The following PCDH15 variants were observed in gnomAD, a reference collection of about 807,000 sequenced individuals.
PCDH15 encodes the protein protocadherin related 15, also known as protocadherin-15.
Under a neutral mutation model 178.5 loss-of-function variants are expected in PCDH15, and 129 were observed. That is an observed-to-expected ratio of 0.72 (90% CI 0.63 to 0.84). The LOEUF is 0.84. Among genes scored for constraint, PCDH15 ranks in the 40% least tolerant of loss-of-function variants. PCDH15 has a pLI of 0.00. For synonymous variants in PCDH15, 800 were observed against 732.0 expected, an observed-to-expected ratio of 1.09 and a Z score of -1.50; for missense variants, 2,230 against 2,099.9, an observed-to-expected ratio of 1.06 and a Z score of -1.21.
chr10:54,818,270 T>G (rs1952979255), intron 3 of PCDH15, among the ~76,000 whole-genome samples: 3 of 152,066 alleles, frequency 2.0e-5, no homozygotes, highest in Non-Finnish European at 1.5e-5. Context: ...ATAAAATGAT[T>G]GAGTAATTAT....
chr10:55,330,838 A>G (rs61851098), intron 2 of PCDH15, among the ~76,000 whole-genome samples: 21 of 144,718 alleles, frequency 1.5e-4, no homozygotes, highest in African/African-American at 3.0e-4. Context: ...AGATTTATTT[A>G]TGTGTGTGTG....
At chr10:53,809,140 C>T in intron 37 of PCDH15, 1 of 1,613,900 alleles carries the variant, frequency 6.2e-7, no homozygotes, top group African/African-American at 1.3e-5. Context: ...AGGGGTGGAA[C>T]TCTCCTCCTC....
intron 2 of PCDH15, among the ~76,000 whole-genome samples, chr10:54,612,458 A>G (rs1233058197): frequency 6.6e-6 from 1 of 151,782 alleles, no homozygotes; most frequent in Non-Finnish European, 1.5e-5. Flanking sequence ...CTCTAAATAA[A>G]ATGATTAATT....
At chr10:54,512,684 C>A (rs1418409989) in intron 3 of PCDH15, among the ~76,000 whole-genome samples, 1 of 151,968 alleles carries the variant, frequency 6.6e-6, no homozygotes, top group Non-Finnish European at 1.5e-5. Flanking sequence ...AAAATATTTA[C>A]TCATGCAGAA....
chr10:54,472,549 T>A (rs904299362), intron 3 of PCDH15, among the ~76,000 whole-genome samples: 1 of 152,132 alleles, frequency 6.6e-6, no homozygotes, highest in African/African-American at 2.4e-5. Flanking sequence ...AAATAATGAT[T>A]GTTATCTACT....
chr10:54,237,126 G>A (rs2054713681), intron 8 of PCDH15, among the ~76,000 whole-genome samples, 195 bp from the exon 9 acceptor site: 1 of 152,010 alleles, frequency 6.6e-6, no homozygotes, highest in Admixed American at 6.6e-5. Context: ...AAGTCAAAAT[G>A]GTAAGACATA....
chr10:54,504,144 A>G (rs1254904961), intron 3 of PCDH15, among the ~76,000 whole-genome samples: 1 of 152,122 alleles, frequency 6.6e-6, no homozygotes, highest in African/African-American at 2.4e-5. Flanking sequence ...TTGGACCTCA[A>G]ATTCAAAGAT....
chr10:54,531,088 G>A (rs1396917849), intron 2 of PCDH15, among the ~76,000 whole-genome samples: 1 of 152,144 alleles, frequency 6.6e-6, no homozygotes, highest in Non-Finnish European at 1.5e-5. Context: ...GGGATGGGGA[G>A]ATTGTACCCT....
At chr10:54,577,980 C>A (rs551589083) in intron 2 of PCDH15, among the ~76,000 whole-genome samples, 51 of 152,068 alleles carry the variant, frequency 3.4e-4, no homozygotes, top group African/African-American at 1.2e-3. Context: ...TTAAATGAAT[C>A]GAAAGTAAAT....
At chr10:54,416,874 C>T (rs915351384) in intron 3 of PCDH15, among the ~76,000 whole-genome samples, 6 of 152,016 alleles carry the variant, frequency 3.9e-5, no homozygotes, top group African/African-American at 1.4e-4. Context: ...TCTAATGATC[C>T]CTGATGTTGA....
intron 3 of PCDH15, among the ~76,000 whole-genome samples, chr10:54,458,938 C>T (rs1274845694): frequency 6.6e-6 from 1 of 152,092 alleles, no homozygotes; most frequent in African/African-American, 2.4e-5. Context: ...CAACATCCTT[C>T]CATTGTAACA....
intron 1 of PCDH15, chr10:55,166,762 T>C (rs1289982281): frequency 6.6e-6 from 1 of 152,178 alleles, no homozygotes; most frequent in African/African-American, 2.4e-5. Flanking sequence ...TTAAGATTTC[T>C]TGTGCTTAAA....
At chr10:53,820,031 G>A in intron 33 of PCDH15, 134 bp downstream of exon 33, 1 of 390,498 alleles carries the variant, frequency 2.6e-6, no homozygotes, top group Non-Finnish European at 4.5e-6. Context: ...ATGTTTTTTG[G>A]ACTTCTCTTA....
rs1164351570 is a variant in PCDH15 at position 53,805,621 on chromosome 10, A to G, written c.*958T>C. ...TTCATAGCCTTTATAAGCTTTATAT[A>G]TTATATACATTTCAACCCTGCCAAA... On this transcript the variant is annotated 3_prime_UTR_variant, in exon 38 of 38. Transcript: ENST00000644397. 1 of 152,104 alleles carries G rather than the reference A, an allele frequency of 6.6e-6. No individual in the cohort carries two copies. The highest frequency in any genetic ancestry group is 1.5e-5 in the Non-Finnish European group (1 of 68,010). The allele number at this position is 152,104 out of a possible 1,614,324, so 9.4% of individuals were successfully genotyped here. A position where few individuals can be genotyped will look rare whatever the true frequency, so the allele number is the denominator to read the frequency against.
intron 2 of PCDH15, among the ~76,000 whole-genome samples, chr10:55,147,624 C>A (rs374649595): frequency 3.4e-5 from 5 of 145,180 alleles, no homozygotes; most frequent in African/African-American, 1.3e-4. Flanking sequence ...TTGTCTAAGT[C>A]TCCTTTTCTC....
intron 2 of PCDH15, among the ~76,000 whole-genome samples, chr10:55,584,738 T>TAGACAC (rs1217223725): frequency 1.3e-5 from 2 of 151,156 alleles, no homozygotes; most frequent in African/African-American, 4.9e-5. Flanking sequence ...TACAAGTATG[T>TAGACAC]AGACACACAT....
At chr10:55,244,062 A>G (rs1841624520) in intron 1 of PCDH15, among the ~76,000 whole-genome samples, 1 of 152,088 alleles carries the variant, frequency 6.6e-6, no homozygotes, top group Admixed American at 6.5e-5. Flanking sequence ...AACATCTTCA[A>G]AATAAGAATA....
intron 2 of PCDH15, among the ~76,000 whole-genome samples, chr10:54,653,414 C>T (rs78280181): frequency 0.065 from 9,882 of 152,204 alleles, 388 homozygotes; most frequent in South Asian, 0.14. Flanking sequence ...AGCCAGGATT[C>T]AGATCTAGGC....
At chr10:54,513,654 T>G (rs1326627644) in intron 3 of PCDH15, among the ~76,000 whole-genome samples, 1 of 152,194 alleles carries the variant, frequency 6.6e-6, no homozygotes, top group Non-Finnish European at 1.5e-5. Flanking sequence ...TGATTAAAGA[T>G]TAATTATGTT....
Sources: gnomAD v4.1 joint callset for allele counts (sites outside exome capture counted in the v4.1 genomes callset) on GRCh38, gnomAD v4.1.1 for gene constraint, MANE v1.5 for transcripts, NCBI Gene and HGNC (gene_info 2026-07-23, HGNC 2026-07-21) for gene names.